MDFIC2: variants seen among roughly 807,000 people sequenced by gnomAD.
The protein encoded by MDFIC2 is myoD family inhibitor domain-containing protein 2.
intron 2 of MDFIC2, among the ~76,000 whole-genome samples, chr3:70,240,845 T>C (rs540462798): frequency 6.6e-5 from 10 of 152,214 alleles, no homozygotes; most frequent in African/African-American, 1.9e-4. Flanking sequence ...TTCTGAAAAA[T>C]TCAGTAATAT....
intron 2 of MDFIC2, chr3:70,302,642 C>T (rs926431581): frequency 6.6e-6 from 1 of 152,148 alleles, no homozygotes; most frequent in Non-Finnish European, 1.5e-5. Context: ...TTCCTGGTCT[C>T]TACAGATTGC....
Position 70,236,935 on chromosome 3 carries a change from G to C in MDFIC2, c.89-30145C>G, listed in dbSNP as rs551719963. 4.9e-4 allele frequency among the ~76,000 whole-genome samples: 74 copies of C among 152,224 alleles called. No individual in the cohort carries two copies. The South Asian group carries it at 9.1e-3, about 19-fold the overall frequency. ...TATGTAAAAAATATTTCTTTATTAA[G>C]CAAGTCACATGTAGGTAAGTTTCTA... On this transcript the variant is annotated intron_variant, in intron 2 of 3. Transcript: ENST00000567252.
At chr3:70,251,923 T>C (rs1701773142) in intron 2 of MDFIC2, among the ~76,000 whole-genome samples, 2 of 152,356 alleles carry the variant, frequency 1.3e-5, no homozygotes, top group Admixed American at 6.5e-5. Context: ...ACTGTAATTA[T>C]GGCAATATTT....
intron 2 of MDFIC2, among the ~76,000 whole-genome samples, chr3:70,275,708 T>C (rs34934640): frequency 0.22 from 32,783 of 152,102 alleles, 3,864 homozygotes; most frequent in African/African-American, 0.31. Flanking sequence ...CAAAGCGTCG[T>C]TGAAAGGATT....
chr3:70,236,769 CT>C (rs1210859483), intron 2 of MDFIC2, among the ~76,000 whole-genome samples: 3 of 151,908 alleles, frequency 2.0e-5, no homozygotes, highest in Middle Eastern at 3.2e-3. Flanking sequence ...CTAATTAAAA[CT>C]TTTTTTGTAG....
chr3:70,207,280 A>T (rs1003700414), intron 2 of MDFIC2, among the ~76,000 whole-genome samples: 11 of 152,064 alleles, frequency 7.2e-5, no homozygotes, highest in African/African-American at 2.7e-4. Context: ...CATATAAATG[A>T]ATAGTCTATA....
chr3:70,288,645 T>C (rs1431338600), intron 2 of MDFIC2, among the ~76,000 whole-genome samples: 4 of 151,868 alleles, frequency 2.6e-5, no homozygotes, highest in South Asian at 2.1e-4. Context: ...ATCCGTCTAA[T>C]GTTCACAGTG....
At chr3:70,268,029 T>TCTC (rs201481273) in intron 2 of MDFIC2, among the ~76,000 whole-genome samples, 89 of 149,444 alleles carry the variant, frequency 6.0e-4, no homozygotes, top group African/African-American at 1.4e-3. Flanking sequence ...TCTTCCTCTT[T>TCTC]CTCCTCCTCC....
intron 2 of MDFIC2, chr3:70,272,380 T>C (rs1464514): frequency 0.61 from 92,826 of 152,084 alleles, 30,442 homozygotes; most frequent in Non-Finnish European, 0.73. Flanking sequence ...TACTCTTTTG[T>C]GTCTGGCTTC....
At chr3:70,252,090 G>A (rs1701774682) in intron 2 of MDFIC2, among the ~76,000 whole-genome samples, 1 of 152,270 alleles carries the variant, frequency 6.6e-6, no homozygotes, top group East Asian at 1.9e-4. Context: ...TTCTAAGCTA[G>A]CTCTGAAGCT....
rs1234916658 is a variant in MDFIC2 at position 70,194,811 on chromosome 3, T to TAC, written c.*2113_*2114dup. Among the ~76,000 whole-genome samples, 1 of 152,146 alleles carries TAC rather than the reference T, an allele frequency of 6.6e-6. No homozygotes were observed. Among genetic ancestry groups the TAC allele is most frequent in the Non-Finnish European group, 1.5e-5 (1 of 68,026 alleles). ...CAATATGGCATGGCCTCACCAATGA[T>TAC]ACCAGGTACCATATTATAGGAATAG... On this transcript the variant is annotated 3_prime_UTR_variant, in exon 4 of 4. Transcript: ENST00000567252.
intron 2 of MDFIC2, among the ~76,000 whole-genome samples, chr3:70,265,403 T>C (rs574003953): frequency 1.3e-5 from 2 of 152,232 alleles, no homozygotes; most frequent in South Asian, 4.1e-4. Flanking sequence ...AAGATGGAGA[T>C]TGCAGAGAAG....
chr3:70,267,497 G>T (rs1373906493), intron 2 of MDFIC2, among the ~76,000 whole-genome samples: 3 of 145,760 alleles, frequency 2.1e-5, no homozygotes, highest in Non-Finnish European at 3.0e-5. Flanking sequence ...CCGCCTCCTG[G>T]GCTCACGCCC....
intron 2 of MDFIC2, among the ~76,000 whole-genome samples, chr3:70,304,417 A>T (rs147810282): frequency 1.3e-5 from 2 of 152,196 alleles, no homozygotes; most frequent in Non-Finnish European, 2.9e-5. Flanking sequence ...GACAGTTTCC[A>T]TGGGGATACC....
chr3:70,222,707 A>G (rs1701471784), intron 2 of MDFIC2, among the ~76,000 whole-genome samples: 1 of 152,206 alleles, frequency 6.6e-6, no homozygotes, highest in Non-Finnish European at 1.5e-5. Context: ...TGAGCCAGCC[A>G]TACTTTGTAC....
intron 2 of MDFIC2, among the ~76,000 whole-genome samples, chr3:70,214,786 C>T (rs1701389792): frequency 6.6e-6 from 1 of 152,030 alleles, no homozygotes; most frequent in Admixed American, 6.6e-5. Flanking sequence ...GACATGAAAG[C>T]AGTTTGCAAT....
At position 70,234,523 on chromosome 3, in the gene MDFIC2, C is replaced by T. The variant is rs1429493515; in HGVS notation, c.89-27733G>A. ...AATCAGCCAGGCATGGTGGCATGCA[C>T]CTGTAGTCCCAGAGGCTGAGGTGGG... On this transcript the variant is annotated intron_variant, in intron 2 of 3. Transcript: ENST00000567252. Among the ~76,000 whole-genome samples, 4 of 151,956 alleles carry T rather than the reference C, an allele frequency of 2.6e-5. No individual in the cohort carries two copies. The South Asian group carries it at 6.2e-4, about 24-fold the overall frequency.
intron 2 of MDFIC2, among the ~76,000 whole-genome samples, chr3:70,243,422 C>A (rs1403981894): frequency 6.6e-6 from 1 of 152,202 alleles, no homozygotes; most frequent in Non-Finnish European, 1.5e-5. Context: ...CTGTGTGCAG[C>A]AGCTGCACTG....
At chr3:70,232,319 T>C (rs1400548294) in intron 2 of MDFIC2, among the ~76,000 whole-genome samples, 1 of 152,192 alleles carries the variant, frequency 6.6e-6, no homozygotes, top group Non-Finnish European at 1.5e-5. Flanking sequence ...CTTCAACCTT[T>C]ATCCTCATGA....
Sources: allele counts gnomAD v4.1 joint callset (sites outside exome capture counted in the v4.1 genomes callset), GRCh38; gene constraint gnomAD v4.1.1; transcripts MANE v1.5; gene names NCBI Gene and HGNC (gene_info 2026-07-23, HGNC 2026-07-21).